DOK5: variants seen among roughly 807,000 people sequenced by gnomAD.
DOK5 encodes the protein downstream of tyrosine kinase 5.
DOK5 carries 27 observed loss-of-function variants against 43.3 expected under a neutral mutation model. That is an observed-to-expected ratio of 0.62 (90% CI 0.46 to 0.86). The LOEUF (loss-of-function observed/expected upper bound fraction) is 0.86, where lower values mean the gene tolerates loss of function less well. DOK5 is among the 40% of genes least tolerant of loss of function. The pLI is 0.00. For missense variants in DOK5, 373 were observed against 392.9 expected, an observed-to-expected ratio of 0.95 and a Z score of 0.43; for synonymous variants, 146 against 140.1, an observed-to-expected ratio of 1.04 and a Z score of -0.30.
At chr20:54,560,559 G>A (rs1984865390) in intron 2 of DOK5, among the ~76,000 whole-genome samples, 1 of 152,194 alleles carries the variant, frequency 6.6e-6, no homozygotes, top group Non-Finnish European at 1.5e-5. Flanking sequence ...CAGTACCAGA[G>A]TGCCAAAGAC....
chr20:54,591,841 T>TTG (rs746112835), intron 5 of DOK5, 36 bp downstream of exon 5: 34 of 1,573,550 alleles, frequency 2.2e-5, no homozygotes, highest in Middle Eastern at 1.7e-4. Context: ...ATTTTTCTGT[T>TTG]TGTGTGTGTG....
intron 6 of DOK5, among the ~76,000 whole-genome samples, chr20:54,637,320 A>G (rs959396221): frequency 6.6e-6 from 1 of 152,262 alleles, no homozygotes; most frequent in Non-Finnish European, 1.5e-5. Flanking sequence ...AGAGACCTGC[A>G]TGCATTCATG....
chr20:54,553,751 G>T (rs1330617083), intron 1 of DOK5, among the ~76,000 whole-genome samples: 12 of 151,240 alleles, frequency 7.9e-5, no homozygotes, highest in Non-Finnish European at 3.0e-5. Flanking sequence ...ACAAAAATTA[G>T]CTGGGCCTAG....
chr20:54,628,408 CAAAAAAAAAAAAAAAAAAAA>C (rs56730310), intron 6 of DOK5, among the ~76,000 whole-genome samples: 8 of 23,452 alleles, frequency 3.4e-4, no homozygotes, highest in South Asian at 6.6e-3. Flanking sequence ...GACTCCGTCT[CAAAAAAAAAAAAAAAAAAAA>C]AAAAAAAAAA....
At chr20:54,476,246 T>A in intron 1 of DOK5, 2 of 976,214 alleles carry the variant, frequency 2.0e-6, no homozygotes, top group Non-Finnish European at 2.4e-6. Context: ...TGGCCGCGTG[T>A]TGGGCTTCAG....
At chr20:54,515,397 T>A (rs749781236) in intron 1 of DOK5, among the ~76,000 whole-genome samples, 11 of 152,224 alleles carry the variant, frequency 7.2e-5, no homozygotes, top group Non-Finnish European at 1.6e-4. Flanking sequence ...ATGAACAAGA[T>A]GAAAATCTAA....
chr20:54,572,416 C>T (rs866572731), intron 2 of DOK5, among the ~76,000 whole-genome samples: 6 of 152,082 alleles, frequency 3.9e-5, no homozygotes, highest in Non-Finnish European at 8.8e-5. Context: ...CCCACCTCGG[C>T]CTCTCAAAGT....
chr20:54,587,080 G>A (rs1027917307), intron 2 of DOK5, among the ~76,000 whole-genome samples: 1 of 152,178 alleles, frequency 6.6e-6, no homozygotes, highest in Non-Finnish European at 1.5e-5. Flanking sequence ...TCAATAAGTA[G>A]TTGTGACAAG....
At chr20:54,499,948 G>A (rs1982535530) in intron 1 of DOK5, among the ~76,000 whole-genome samples, 1 of 152,188 alleles carries the variant, frequency 6.6e-6, no homozygotes, top group Non-Finnish European at 1.5e-5. Flanking sequence ...CTATATTGAT[G>A]CATAGTCCTG....
intron 1 of DOK5, among the ~76,000 whole-genome samples, chr20:54,544,193 T>C (rs1051733427): frequency 6.6e-6 from 1 of 152,230 alleles, no homozygotes; most frequent in African/African-American, 2.4e-5. Context: ...ATATCCACTG[T>C]TCAATTTTCT....
At chr20:54,564,783 C>A (rs910774821) in intron 2 of DOK5, among the ~76,000 whole-genome samples, 1 of 152,270 alleles carries the variant, frequency 6.6e-6, no homozygotes, top group East Asian at 1.9e-4. Context: ...CAAAGCTGTG[C>A]CTCTGCAATA....
chr20:54,606,568 CT>C (rs1986476289), intron 5 of DOK5, among the ~76,000 whole-genome samples: 1 of 152,190 alleles, frequency 6.6e-6, no homozygotes, highest in East Asian at 1.9e-4. Flanking sequence ...ATGTGCCTTT[CT>C]TTTCACTTCC....
chr20:54,501,392 G>A (rs572610043), intron 1 of DOK5, among the ~76,000 whole-genome samples: 5 of 150,646 alleles, frequency 3.3e-5, no homozygotes, highest in South Asian at 2.1e-4. Context: ...GCATGAACCC[G>A]GGAGGCGGAG....
intron 6 of DOK5, among the ~76,000 whole-genome samples, chr20:54,618,214 T>C (rs1986873556): frequency 6.6e-6 from 1 of 152,220 alleles, no homozygotes. Context: ...TCATTACTAC[T>C]GGAGCCAGGA....
chr20:54,602,936 G>T (rs1296513502), intron 5 of DOK5, among the ~76,000 whole-genome samples: 3 of 152,190 alleles, frequency 2.0e-5, no homozygotes, highest in Non-Finnish European at 4.4e-5. Flanking sequence ...CTCCCAAAGT[G>T]CTGGGATTAC....
chr20:54,524,445 C>T (rs986413034), intron 1 of DOK5, among the ~76,000 whole-genome samples: 2 of 152,184 alleles, frequency 1.3e-5, no homozygotes, highest in African/African-American at 4.8e-5. Flanking sequence ...GCTTTTCTGA[C>T]CACAGGCTCC....
chr20:54,547,209 A>T (rs908304674), intron 1 of DOK5, among the ~76,000 whole-genome samples: 1 of 152,134 alleles, frequency 6.6e-6, no homozygotes, highest in Admixed American at 6.6e-5. Context: ...TTCATGCTAT[A>T]TTTGCTGAGT....
chr20:54,555,045 G>C lies in DOK5; in HGVS notation c.174+5G>C, dbSNP rs748282841. ...TATTTCAGGTGTTATCATAAGGTAA[G>C]ACTCAATTGCTGTAGCTTTCCAGTA... On this transcript the variant is annotated splice_donor_5th_base_variant and intron_variant, in intron 2 of 7. Transcript: ENST00000262593. The C allele has an allele frequency of 3.1e-6, 5 of 1,588,118 alleles. No homozygotes were observed. In the African/African-American group the frequency reaches 4.0e-5, roughly 13 times the overall value.
intron 2 of DOK5, among the ~76,000 whole-genome samples, chr20:54,578,419 A>G (rs1985525640): frequency 6.6e-6 from 1 of 152,180 alleles, no homozygotes; most frequent in African/African-American, 2.4e-5. Context: ...GCCTAAATAT[A>G]TCCTGAAAAA....
Sources: gnomAD v4.1 joint callset for allele counts (sites outside exome capture counted in the v4.1 genomes callset) on GRCh38, gnomAD v4.1.1 for gene constraint, MANE v1.5 for transcripts, NCBI Gene and HGNC (gene_info 2026-07-23, HGNC 2026-07-21) for gene names.